Variants in CSMD1 observed in about 807,000 individuals in gnomAD.
CSMD1 encodes CUB and Sushi multiple domains 1, also known as CUB and sushi domain-containing protein 1.
CSMD1 carries 213 observed loss-of-function variants against 417.5 expected under a neutral mutation model. The ratio of observed to expected loss-of-function variants is 0.51; its 90% CI spans 0.46 to 0.57. The LOEUF is 0.57. CSMD1 is among the 20% of genes least tolerant of loss of function. The pLI, the probability that CSMD1 is intolerant of heterozygous loss-of-function variation, is 0.00. For synonymous variants in CSMD1, 2,862 were observed against 1,736.8 expected, an observed-to-expected ratio of 1.65 and a Z score of -16.11; for missense variants, 6,923 against 4,529.7, an observed-to-expected ratio of 1.53 and a Z score of -15.17.
intron 5 of CSMD1, among the ~76,000 whole-genome samples, chr8:3,813,951 T>G (rs1251875965): frequency 6.6e-6 from 1 of 152,196 alleles, no homozygotes; most frequent in African/African-American, 2.4e-5. Flanking sequence ...TTCTGAGAAA[T>G]GTAAGACCCT....
At chr8:4,233,878 C>T (rs867014703) in intron 3 of CSMD1, among the ~76,000 whole-genome samples, 3 of 151,378 alleles carry the variant, frequency 2.0e-5, no homozygotes, top group South Asian at 4.2e-4. Flanking sequence ...GAATTTCAAG[C>T]GGAAGCCATA....
chr8:4,162,678 C>A (rs1275842892), intron 3 of CSMD1, among the ~76,000 whole-genome samples: 2 of 152,078 alleles, frequency 1.3e-5, no homozygotes, highest in African/African-American at 4.8e-5. Context: ...ATACACAGAG[C>A]CTCCCCAACT....
At chr8:3,241,206 G>A (rs945332835) in intron 26 of CSMD1, among the ~76,000 whole-genome samples, 2 of 151,510 alleles carry the variant, frequency 1.3e-5, no homozygotes, top group Non-Finnish European at 2.9e-5. Context: ...GAACTGGGCA[G>A]GTGGGGATAA....
At chr8:3,651,180 C>A (rs1797835747) in intron 7 of CSMD1, among the ~76,000 whole-genome samples, 1 of 152,128 alleles carries the variant, frequency 6.6e-6, no homozygotes, top group Non-Finnish European at 1.5e-5. Context: ...GGTCTCTGTT[C>A]CCTAGAATGT....
intron 3 of CSMD1, 123 bp from the exon 4 acceptor site, chr8:4,032,222 A>T (rs1209428441): frequency 1.5e-6 from 1 of 652,786 alleles, no homozygotes; most frequent in East Asian, 2.8e-5. Flanking sequence ...CATCAGAAAA[A>T]TATTAATTGT....
intron 2 of CSMD1, among the ~76,000 whole-genome samples, chr8:4,535,030 G>T (rs942928957): frequency 3.9e-5 from 6 of 152,152 alleles, no homozygotes; most frequent in Non-Finnish European, 8.8e-5. Flanking sequence ...CAAAGTGCTG[G>T]GATTACAGGC....
At chr8:3,315,245 A>G (rs367789987) in intron 23 of CSMD1, among the ~76,000 whole-genome samples, 2 of 152,148 alleles carry the variant, frequency 1.3e-5, no homozygotes, top group Non-Finnish European at 2.9e-5. Context: ...TATTAACTCT[A>G]TTTGGATTCA....
At chr8:3,179,797 C>T (rs911334003) in intron 37 of CSMD1, among the ~76,000 whole-genome samples, 1 of 152,204 alleles carries the variant, frequency 6.6e-6, no homozygotes, top group Admixed American at 6.5e-5. Flanking sequence ...ATTTTCCAGA[C>T]ACATCCTACA....
intron 26 of CSMD1, among the ~76,000 whole-genome samples, chr8:3,243,621 G>T (rs1033744426): frequency 3.3e-5 from 5 of 152,056 alleles, no homozygotes; most frequent in African/African-American, 1.2e-4. Context: ...GTGGTGGAAT[G>T]TCATCAGTTA....
chr8:4,859,514 G>C (rs1238544240), intron 1 of CSMD1, among the ~76,000 whole-genome samples: 3 of 152,104 alleles, frequency 2.0e-5, no homozygotes, highest in Admixed American at 6.6e-5. Flanking sequence ...CTACTCATCT[G>C]ACCAAGGGCA....
At chr8:4,726,437 T>A (rs1054601544) in intron 1 of CSMD1, among the ~76,000 whole-genome samples, 1 of 152,212 alleles carries the variant, frequency 6.6e-6, no homozygotes, top group Admixed American at 6.5e-5. Context: ...TTGTTTTTAA[T>A]ACTCCAGCTC....
chr8:4,851,265 A>G (rs1233350012), intron 1 of CSMD1, among the ~76,000 whole-genome samples: 3 of 151,928 alleles, frequency 2.0e-5, no homozygotes, highest in African/African-American at 7.2e-5. Context: ...TGTCCCTACA[A>G]AGGACATGAA....
At chr8:3,482,757 G>C (rs561001528) in intron 11 of CSMD1, among the ~76,000 whole-genome samples, 1 of 152,202 alleles carries the variant, frequency 6.6e-6, no homozygotes, top group South Asian at 2.1e-4. Flanking sequence ...ATATTCAAAT[G>C]AACTGAAATC....
chr8:3,988,348 C>T (rs1007868948), intron 5 of CSMD1, among the ~76,000 whole-genome samples: 24 of 152,202 alleles, frequency 1.6e-4, no homozygotes, highest in Non-Finnish European at 3.2e-4. Context: ...AGCATAACTA[C>T]TGCAATGTTT....
chr8:2,989,279 T>C (rs899102519), intron 54 of CSMD1, among the ~76,000 whole-genome samples: 2 of 152,224 alleles, frequency 1.3e-5, no homozygotes, highest in African/African-American at 4.8e-5. Flanking sequence ...CTTTGAAATA[T>C]TGTTTTTTCC....
intron 2 of CSMD1, among the ~76,000 whole-genome samples, chr8:4,566,390 A>G (rs1046381037): frequency 6.6e-6 from 1 of 151,926 alleles, no homozygotes; most frequent in Non-Finnish European, 1.5e-5. Context: ...GTGGTGGCTC[A>G]TGCCTGTAAT....
chr8:4,953,053 A>C (rs1185100707), intron 1 of CSMD1, among the ~76,000 whole-genome samples: 2 of 72,498 alleles, frequency 2.8e-5, no homozygotes. Context: ...ATACGTGAGC[A>C]GATGTTAAGA....
chr8:4,119,370 A>C (rs141166877), intron 3 of CSMD1, among the ~76,000 whole-genome samples: 9 of 152,328 alleles, frequency 5.9e-5, no homozygotes, highest in African/African-American at 1.9e-4. Context: ...ACATTTTTTA[A>C]AGAGGTTGAT....
At chr8:3,769,987 G>C (rs1158536420) in intron 5 of CSMD1, among the ~76,000 whole-genome samples, 2 of 152,220 alleles carry the variant, frequency 1.3e-5, no homozygotes, top group Non-Finnish European at 1.5e-5. Context: ...AATTCATACA[G>C]TGACCTGCCT....
Sources: gnomAD v4.1 joint callset for allele counts (sites outside exome capture counted in the v4.1 genomes callset) on GRCh38, gnomAD v4.1.1 for gene constraint, MANE v1.5 for transcripts, NCBI Gene and HGNC (gene_info 2026-07-23, HGNC 2026-07-21) for gene names.